Variants in SGCD observed in about 807,000 individuals in gnomAD.
SGCD encodes sarcoglycan delta.
Under a neutral mutation model 36.6 loss-of-function variants are expected in SGCD, and 18 were observed. The observed-to-expected ratio is 0.49, with a 90% CI of 0.34 to 0.73. The LOEUF (loss-of-function observed/expected upper bound fraction) is 0.73, where lower values mean the gene tolerates loss of function less well. Among genes scored for constraint, SGCD ranks in the 30% least tolerant of loss-of-function variants. The pLI is 0.01. For synonymous variants in SGCD, 133 were observed against 130.6 expected (o/e 1.02, Z -0.12); for missense variants, 387 against 346.7 (o/e 1.12, Z -0.92).
intron 6 of SGCD, among the ~76,000 whole-genome samples, chr5:156,625,557 A>G (rs544912846): frequency 1.3e-5 from 2 of 152,324 alleles, no homozygotes; most frequent in East Asian, 3.9e-4. Context: ...AGGAAATGCT[A>G]GATTCCAGTT....
intron 1 of SGCD, among the ~76,000 whole-genome samples, chr5:155,924,517 A>G (rs1756954603): frequency 6.6e-6 from 1 of 152,232 alleles, no homozygotes; most frequent in African/African-American, 2.4e-5. Context: ...AGCATGGCGT[A>G]TAGTTGGGTA....
chr5:156,378,954 T>G (rs1411219763), intron 3 of SGCD, among the ~76,000 whole-genome samples: 2 of 152,206 alleles, frequency 1.3e-5, no homozygotes, highest in Non-Finnish European at 2.9e-5. Flanking sequence ...GAATCACTTT[T>G]TAATCCATTC....
chr5:155,858,609 T>A, the SGCD span, among the ~76,000 whole-genome samples: 1 of 152,352 alleles, frequency 6.6e-6, no homozygotes, highest in African/African-American at 2.4e-5. Flanking sequence ...ATACATTGTT[T>A]AATGTAATAT....
intron 4 of SGCD, among the ~76,000 whole-genome samples, chr5:156,519,756 A>G (rs1757326006): frequency 6.6e-6 from 1 of 152,228 alleles, no homozygotes; most frequent in African/African-American, 2.4e-5. Context: ...AGAACTAAAG[A>G]CAAAAACCAC....
At chr5:156,653,234 T>G (rs112277348) in intron 7 of SGCD, among the ~76,000 whole-genome samples, 4,565 of 152,102 alleles carry the variant, frequency 0.03, 218 homozygotes, top group African/African-American at 0.1. Context: ...GGGGCTTTTT[T>G]TGTTAATAGG....
chr5:156,398,926 G>A (rs1772001762), intron 3 of SGCD, among the ~76,000 whole-genome samples: 1 of 152,122 alleles, frequency 6.6e-6, no homozygotes, highest in African/African-American at 2.4e-5. Context: ...AGTCATCCTA[G>A]GCATTTTGTA....
chr5:155,793,350 A>G, the SGCD span, among the ~76,000 whole-genome samples: 3 of 152,270 alleles, frequency 2.0e-5, no homozygotes, highest in South Asian at 6.2e-4. Flanking sequence ...GCATTATGCA[A>G]TATGCCCATG....
At chr5:156,494,715 A>G (rs1221358055) in intron 3 of SGCD, among the ~76,000 whole-genome samples, 2 of 152,130 alleles carry the variant, frequency 1.3e-5, no homozygotes, top group Admixed American at 6.6e-5. Context: ...AAGATGCTCT[A>G]TTGATCCTTC....
chr5:156,108,782 G>A (rs1386185650), intron 1 of SGCD, among the ~76,000 whole-genome samples: 2 of 152,248 alleles, frequency 1.3e-5, no homozygotes, highest in Non-Finnish European at 2.9e-5. Flanking sequence ...ATCAAGTTGA[G>A]TATTTAGCCT....
At chr5:155,992,444 T>C (rs1758452101) in intron 1 of SGCD, among the ~76,000 whole-genome samples, 1 of 152,130 alleles carries the variant, frequency 6.6e-6, no homozygotes. Context: ...TTAGCATCAC[T>C]AATCAATGAG....
rs202051213 is a variant in SGCD, at chr5:156,083,798, TTTTG to T, written c.-281-34060_-281-34057del. On this transcript the variant is annotated intron_variant, in intron 1 of 9. Coordinates refer to the SGCD transcript ENST00000517913. The stretch of plus-strand genomic sequence containing the variant: ...GTTTTTTTTTTGTTTTGTTTTTGTT[TTTTG>T]TTTGTTTGTTTGTTTGTTTTCTTTT... Among the ~76,000 whole-genome samples the T allele has an allele frequency of 1.1e-3, 163 of 152,126 alleles. 1 individual carries two copies. Among genetic ancestry groups the T allele is most frequent in the South Asian group, 3.3e-3 (16 of 4,826 alleles).
intron 1 of SGCD, among the ~76,000 whole-genome samples, chr5:155,953,109 G>A (rs764571433): frequency 2.0e-5 from 3 of 152,000 alleles, no homozygotes; most frequent in Non-Finnish European, 4.4e-5. Flanking sequence ...GCCTCCTCAT[G>A]CTTACTCTTC....
intron 7 of SGCD, among the ~76,000 whole-genome samples, chr5:156,670,332 T>G (rs555544176): frequency 5.3e-5 from 8 of 152,204 alleles, no homozygotes; most frequent in Non-Finnish European, 8.8e-5. Context: ...CTTCCTCAAA[T>G]AGAGTAATGT....
chr5:155,875,746 A>T (rs1413055854), intron 1 of SGCD, among the ~76,000 whole-genome samples: 1 of 151,728 alleles, frequency 6.6e-6, no homozygotes, highest in Non-Finnish European at 1.5e-5. Flanking sequence ...TTCCTGTGAC[A>T]GTTCTGCCAT....
At chr5:155,907,852 A>C (rs1417530988) in intron 1 of SGCD, among the ~76,000 whole-genome samples, 3 of 152,166 alleles carry the variant, frequency 2.0e-5, no homozygotes, top group African/African-American at 7.2e-5. Flanking sequence ...GATTGACTTC[A>C]ATTTTGAAAG....
chr5:156,481,502 A>G (rs1463180744), intron 3 of SGCD, among the ~76,000 whole-genome samples: 1 of 152,144 alleles, frequency 6.6e-6, no homozygotes, highest in Admixed American at 6.5e-5. Context: ...TATTGAATAC[A>G]CTTTGTGGAT....
At chr5:156,583,592 C>A (rs569586808) in intron 4 of SGCD, among the ~76,000 whole-genome samples, 1 of 152,204 alleles carries the variant, frequency 6.6e-6, no homozygotes, top group African/African-American at 2.4e-5. Context: ...TAGTTCACAC[C>A]TTCTCCTGCT....
chr5:156,671,480 G>A lies in SGCD; in HGVS notation c.575+23944G>A, dbSNP rs536237836. Among the ~76,000 whole-genome samples the A allele has an allele frequency of 3.9e-4, 59 of 152,092 alleles. No individual in the cohort carries two copies. In the East Asian group the frequency reaches 0.011, roughly 28 times the overall value. On this transcript the variant is annotated intron_variant, in intron 7 of 8. Coordinates refer to ENST00000337851, the MANE Select transcript of SGCD (RefSeq NM_000337.6). Reference sequence around the variant, plus strand: ...GGAGAGAAGGGGTTTCACCATGTTGGTCAGGCTGGTCTCGAACTCTGGACC... The same window carrying A: ...GGAGAGAAGGGGTTTCACCATGTTGATCAGGCTGGTCTCGAACTCTGGACC...
intron 3 of SGCD, among the ~76,000 whole-genome samples, chr5:156,224,804 G>A (rs1022030423): frequency 2.0e-5 from 3 of 152,234 alleles, no homozygotes; most frequent in Middle Eastern, 3.4e-3. Flanking sequence ...TTCATTAAAT[G>A]TAATTCATAG....
Sources: allele counts gnomAD v4.1 joint callset (sites outside exome capture counted in the v4.1 genomes callset), GRCh38; gene constraint gnomAD v4.1.1; transcripts MANE v1.5; gene names NCBI Gene and HGNC (gene_info 2026-07-23, HGNC 2026-07-21).